PDE5A: variants seen among roughly 807,000 people sequenced by gnomAD.
The protein encoded by PDE5A is phosphodiesterase 5A, also known as cGMP-specific 3',5'-cyclic phosphodiesterase.
PDE5A carries 67 observed loss-of-function variants against 110.2 expected under a neutral mutation model. The observed-to-expected ratio is 0.61, with a 90% CI of 0.50 to 0.75. The LOEUF (loss-of-function observed/expected upper bound fraction) is 0.75, where lower values mean the gene tolerates loss of function less well. Among genes scored for constraint, PDE5A ranks in the 30% least tolerant of loss-of-function variants. PDE5A has a pLI of 0.00. For synonymous variants in PDE5A, 328 were observed against 351.2 expected (o/e 0.93, Z 0.74); for missense variants, 862 against 1,045.1 (o/e 0.82, Z 2.42).
At chr4:119,500,528 A>G (rs1170928695) in intron 20 of PDE5A, among the ~76,000 whole-genome samples, 1 of 152,076 alleles carries the variant, frequency 6.6e-6, no homozygotes, top group Non-Finnish European at 1.5e-5. Context: ...TTGACATTCT[A>G]TGATAACTCC....
intron 11 of PDE5A, among the ~76,000 whole-genome samples, chr4:119,537,132 C>A (rs536246848): frequency 6.6e-6 from 1 of 152,236 alleles, no homozygotes; most frequent in East Asian, 1.9e-4. Flanking sequence ...TCCTGTGCCT[C>A]CGCCTTTGCC....
intron 11 of PDE5A, among the ~76,000 whole-genome samples, chr4:119,529,016 T>C (rs1726430217): frequency 6.6e-6 from 1 of 152,156 alleles, no homozygotes; most frequent in South Asian, 2.1e-4. Context: ...TAGCCTCTAC[T>C]GGGTTAAAGT....
chr4:119,596,064 G>A (rs1419577804), intron 3 of PDE5A, among the ~76,000 whole-genome samples: 3 of 152,074 alleles, frequency 2.0e-5, no homozygotes, highest in African/African-American at 7.2e-5. Flanking sequence ...TCATTTGCCT[G>A]TTAAAATTTC....
At chr4:119,534,417 T>A (rs1162484148) in intron 11 of PDE5A, among the ~76,000 whole-genome samples, 1 of 152,030 alleles carries the variant, frequency 6.6e-6, no homozygotes, top group Non-Finnish European at 1.5e-5. Context: ...CTCGGTTGCA[T>A]GCTCCTTATG....
intron 1 of PDE5A, among the ~76,000 whole-genome samples, chr4:119,624,853 C>T (rs1412424167): frequency 2.0e-5 from 3 of 152,192 alleles, no homozygotes; most frequent in African/African-American, 7.2e-5. Flanking sequence ...GCCTTCAGGA[C>T]TGCAAATTGT....
rs1725092252 is a variant in PDE5A, at chr4:119,496,802, CAAATTTTATCTGTATGGCAAA to C, written c.*1778_*1798del. On this transcript the variant is annotated 3_prime_UTR_variant, in exon 21 of 21. Coordinates refer to ENST00000354960, the MANE Select transcript of PDE5A (RefSeq NM_001083.4). Reference sequence around the variant, plus strand: ...CCAGTGCCACAAAGGGGCAACCTTACAAATTTTATCTGTATGGCAAAAAAAATAAAATATCCTGAAAATACA... The same window carrying C: ...CCAGTGCCACAAAGGGGCAACCTTACAAAAATAAAATATCCTGAAAATACA... 1 of 152,414 alleles carries C rather than the reference CAAATTTTATCTGTATGGCAAA, an allele frequency of 6.6e-6. No homozygotes were observed. 9.4% of individuals were successfully genotyped at this position (152,414 alleles called of 1,614,324 possible). A position where few individuals can be genotyped will look rare whatever the true frequency, so the allele number is the denominator to read the frequency against.
intron 18 of PDE5A, among the ~76,000 whole-genome samples, chr4:119,503,801 A>G (rs958298130): frequency 6.6e-6 from 1 of 152,108 alleles, no homozygotes; most frequent in South Asian, 2.1e-4. Flanking sequence ...TTCTTAATAT[A>G]TCTTACAAAT....
chr4:119,542,726 T>G, intron 9 of PDE5A, 92 bp from the exon 10 acceptor site: 1 of 1,187,880 alleles, frequency 8.4e-7, no homozygotes, highest in Non-Finnish European at 1.2e-6. Context: ...TGTCTTACAC[T>G]TTTCTCTTAG....
intron 2 of PDE5A, among the ~76,000 whole-genome samples, chr4:119,601,250 C>T (rs551148140): frequency 9.9e-5 from 15 of 152,156 alleles, no homozygotes; most frequent in Non-Finnish European, 2.2e-4. Context: ...CCCCCAACCT[C>T]TGGAGAGGGG....
intron 1 of PDE5A, among the ~76,000 whole-genome samples, chr4:119,613,856 T>C (rs1729841894): frequency 6.6e-6 from 1 of 152,066 alleles, no homozygotes; most frequent in Non-Finnish European, 1.5e-5. Flanking sequence ...ACCACACCCA[T>C]TCTACTATTT....
At chr4:119,587,356 C>A (rs891275149) in intron 3 of PDE5A, among the ~76,000 whole-genome samples, 1 of 150,548 alleles carries the variant, frequency 6.6e-6, no homozygotes, top group Admixed American at 6.7e-5. Context: ...GTGCATGCCA[C>A]CACACCCGGC....
intron 1 of PDE5A, among the ~76,000 whole-genome samples, chr4:119,613,518 G>GT (rs1729829433): frequency 1.3e-5 from 2 of 152,052 alleles, no homozygotes; most frequent in Admixed American, 6.5e-5. Flanking sequence ...GTGTTCAGAA[G>GT]TTATATACAT....
At chr4:119,600,706 T>G (rs529681002) in intron 2 of PDE5A, among the ~76,000 whole-genome samples, 1 of 152,260 alleles carries the variant, frequency 6.6e-6, no homozygotes, top group East Asian at 1.9e-4. Flanking sequence ...AGTCCATAAT[T>G]GATGTGAATG....
chr4:119,607,232 C>T lies in PDE5A; in HGVS notation c.218G>A (p.Arg73Lys). 1 of 1,613,984 alleles carries T rather than the reference C, an allele frequency of 6.2e-7. No homozygotes were observed. Among genetic ancestry groups the T allele is most frequent in the Non-Finnish European group, 8.5e-7 (1 of 1,180,034 alleles). ...HTIPVCKEGI[R>K]GHTESCSCPL... ...ACAAGAGCAAGATTCGGTGTGGCCT[C>T]TGATACCTTCCTTGCACACAGGGAT... Residue 73 changes from arginine to lysine, a missense_variant, in exon 2 of 21, where the codon AGA becomes AAA. By Grantham distance (26) the Arg-to-Lys change is conservative. Transcript: ENST00000354960.
At chr4:119,572,572 A>G (rs1728180330) in intron 3 of PDE5A, among the ~76,000 whole-genome samples, 1 of 152,226 alleles carries the variant, frequency 6.6e-6, no homozygotes. Context: ...AAAGCTTGAG[A>G]TTATTTAATT....
intron 10 of PDE5A, chr4:119,541,669 A>G (rs183889808): frequency 3.9e-5 from 6 of 152,314 alleles, no homozygotes; most frequent in African/African-American, 1.2e-4. Context: ...GATTTTCTCT[A>G]ATTTCAACTA....
At chr4:119,514,278 C>T (rs891301219) in intron 14 of PDE5A, among the ~76,000 whole-genome samples, 1 of 152,104 alleles carries the variant, frequency 6.6e-6, no homozygotes, top group Non-Finnish European at 1.5e-5. Context: ...ATGAAAGCCC[C>T]ATGGGGGTGG....
intron 2 of PDE5A, among the ~76,000 whole-genome samples, chr4:119,601,808 G>A (rs997942086): frequency 1.3e-5 from 2 of 152,102 alleles, no homozygotes; most frequent in Non-Finnish European, 2.9e-5. Flanking sequence ...TTAAATAGTC[G>A]TTGCTTAGTT....
At chr4:119,603,415 G>A (rs1729414417) in intron 2 of PDE5A, among the ~76,000 whole-genome samples, 1 of 151,716 alleles carries the variant, frequency 6.6e-6, no homozygotes, top group Non-Finnish European at 1.5e-5. Context: ...TACATACATG[G>A]TGTGGCACAT....
Sources: gnomAD v4.1 joint callset for allele counts (sites outside exome capture counted in the v4.1 genomes callset) on GRCh38, gnomAD v4.1.1 for gene constraint, MANE v1.5 for transcripts, NCBI Gene and HGNC (gene_info 2026-07-23, HGNC 2026-07-21) for gene names.